AK5: variants seen among roughly 807,000 people sequenced by gnomAD.
The protein encoded by AK5 is adenylate kinase 5.
A neutral mutation model predicts 69.5 loss-of-function variants in AK5; 27 were observed. The ratio of observed to expected loss-of-function variants is 0.39; its 90% CI spans 0.29 to 0.54. AK5 has a LOEUF of 0.54. Ranked by LOEUF, AK5 falls within the 20% of genes least tolerant of loss-of-function variation. The pLI is 0.71. For synonymous variants in AK5, 260 were observed against 244.4 expected (o/e 1.06, Z -0.60); for missense variants, 531 against 700.4 (o/e 0.76, Z 2.73).
chr1:77,554,851 C>T (rs1243088368), intron 13 of AK5, among the ~76,000 whole-genome samples: 2 of 150,868 alleles, frequency 1.3e-5, no homozygotes, highest in Non-Finnish European at 1.5e-5. Context: ...CTCCTGACCT[C>T]GTGATCCACC....
At chr1:77,517,966 A>T (rs1657763496) in intron 10 of AK5, among the ~76,000 whole-genome samples, 1 of 152,212 alleles carries the variant, frequency 6.6e-6, no homozygotes, top group African/African-American at 2.4e-5. Context: ...TTTGTAGGAA[A>T]TGACACTAAA....
chr1:77,368,090 A>G (rs1647032719), intron 6 of AK5, among the ~76,000 whole-genome samples: 1 of 136,832 alleles, frequency 7.3e-6, no homozygotes, highest in Non-Finnish European at 1.5e-5. Context: ...AAAAAATACT[A>G]AGTCTTCTGC....
At chr1:77,540,782 G>A (rs558332616) in intron 13 of AK5, 1 of 152,176 alleles carries the variant, frequency 6.6e-6, no homozygotes, top group East Asian at 1.9e-4. Flanking sequence ...TATTATAAAA[G>A]TAACACATAC....
intron 6 of AK5, among the ~76,000 whole-genome samples, chr1:77,342,994 A>G (rs2100389292): frequency 6.6e-6 from 1 of 152,328 alleles, no homozygotes; most frequent in East Asian, 1.9e-4. Flanking sequence ...TATTGCAGAC[A>G]CCTAGAACAG....
At chr1:77,324,964 G>A (rs1660720845) in intron 5 of AK5, among the ~76,000 whole-genome samples, 1 of 142,228 alleles carries the variant, frequency 7.0e-6, no homozygotes, top group Non-Finnish European at 1.5e-5. Context: ...AGAGCTGGAT[G>A]TCAGATTACG....
chr1:77,469,356 G>A (rs573738154), intron 8 of AK5, among the ~76,000 whole-genome samples: 4 of 152,306 alleles, frequency 2.6e-5, no homozygotes, highest in African/African-American at 4.8e-5. Context: ...AGAGTTCCTC[G>A]ATAACCTGGG....
rs200288872 is a variant in AK5 at position 77,490,797 on chromosome 1, TA to T, written c.1147+4448del. ...TTCCTTTTTTCTTTTTTTTTTTTTT[TA>T]AATCTCTTGATCATTATTTTGCTAT... On this transcript the variant is annotated intron_variant, in intron 10 of 13. Transcript: ENST00000354567. Among the ~76,000 whole-genome samples the T allele has an allele frequency of 1.3e-4, 20 of 150,414 alleles. No individual in the cohort carries two copies. The East Asian group carries it at 2.1e-3, about 16-fold the overall frequency.
intron 8 of AK5, among the ~76,000 whole-genome samples, chr1:77,432,114 G>A (rs1217445702): frequency 6.6e-6 from 1 of 151,974 alleles, no homozygotes; most frequent in Non-Finnish European, 1.5e-5. Context: ...TTTTTTTCTT[G>A]TTGACACAAG....
intron 6 of AK5, among the ~76,000 whole-genome samples, chr1:77,354,790 C>T (rs565994456): frequency 6.6e-6 from 1 of 152,216 alleles, no homozygotes; most frequent in East Asian, 1.9e-4. Context: ...CAGAAAATAC[C>T]ACAGAGTGTT....
intron 6 of AK5, among the ~76,000 whole-genome samples, chr1:77,373,107 T>C (rs1176520885): frequency 6.6e-6 from 1 of 152,214 alleles, no homozygotes. Flanking sequence ...TTGATACATA[T>C]TGCAAAATTA....
intron 5 of AK5, among the ~76,000 whole-genome samples, chr1:77,332,162 T>G (rs1661122726): frequency 6.6e-6 from 1 of 152,164 alleles, no homozygotes; most frequent in Non-Finnish European, 1.5e-5. Flanking sequence ...ATTCTTAATA[T>G]CCTCTTTTAG....
At chr1:77,334,064 G>A (rs913163009) in intron 5 of AK5, among the ~76,000 whole-genome samples, 6 of 151,808 alleles carry the variant, frequency 4.0e-5, no homozygotes, top group Non-Finnish European at 2.9e-5. Context: ...ATTCTTCTGG[G>A]CCAACTTTCT....
At position 77,293,652 on chromosome 1, in the gene AK5, T is replaced by C. The variant is rs550884305; in HGVS notation, c.248-141T>C. 4 of 684,194 alleles carry C rather than the reference T, an allele frequency of 5.8e-6. No homozygotes were observed. The East Asian group carries it at 1.2e-4, about 20-fold the overall frequency. 42.4% of individuals were successfully genotyped at this position (684,194 alleles called of 1,614,324 possible). A position where few individuals can be genotyped will look rare whatever the true frequency, so the allele number is the denominator to read the frequency against. On this transcript the variant is annotated intron_variant, in intron 2 of 13. Coordinates refer to ENST00000354567, the MANE Select transcript of AK5 (RefSeq NM_174858.3). ...TCTGACCCTTTACAATAAAGCCTGC[T>C]GACCACTTAGGGAGACTTCTTCCAG...
chr1:77,478,909 C>T (rs1267274915), intron 8 of AK5, among the ~76,000 whole-genome samples: 2 of 148,444 alleles, frequency 1.3e-5, no homozygotes, highest in Non-Finnish European at 3.0e-5. Context: ...AGTACCAGAA[C>T]CCAGCCTTGC....
chr1:77,489,799 T>C (rs1343383029), intron 10 of AK5, among the ~76,000 whole-genome samples: 1 of 152,194 alleles, frequency 6.6e-6, no homozygotes, highest in East Asian at 1.9e-4. Flanking sequence ...CCAGACTTCT[T>C]AGACTGGCCT....
At chr1:77,283,003 C>G (rs1302652516) in intron 1 of AK5, 9 of 985,540 alleles carry the variant, frequency 9.1e-6, no homozygotes, top group Non-Finnish European at 1.1e-5. Context: ...AGGGTTGGGC[C>G]GCAGGTTTCG....
chr1:77,504,908 A>G (rs1325850798), intron 10 of AK5, among the ~76,000 whole-genome samples: 2 of 152,118 alleles, frequency 1.3e-5, no homozygotes, highest in Non-Finnish European at 2.9e-5. Context: ...TATACCTATG[A>G]TTGTGTTGTC....
chr1:77,404,635 T>C (rs1649496136), intron 6 of AK5, among the ~76,000 whole-genome samples: 1 of 152,196 alleles, frequency 6.6e-6, no homozygotes, highest in African/African-American at 2.4e-5. Context: ...CATGCCACTC[T>C]GGAGTTGTAG....
At chr1:77,506,524 T>C (rs964217652) in intron 10 of AK5, among the ~76,000 whole-genome samples, 1 of 152,138 alleles carries the variant, frequency 6.6e-6, no homozygotes, top group African/African-American at 2.4e-5. Flanking sequence ...ACCTGAGACC[T>C]GAACCTTCCT....
Sources: allele counts gnomAD v4.1 joint callset (sites outside exome capture counted in the v4.1 genomes callset), GRCh38; gene constraint gnomAD v4.1.1; transcripts MANE v1.5; gene names NCBI Gene and HGNC (gene_info 2026-07-23, HGNC 2026-07-21).